Variants in CYTH1 observed in about 807,000 individuals in gnomAD.
The protein encoded by CYTH1 is cytohesin 1.
A neutral mutation model predicts 61.8 loss-of-function variants in CYTH1; 18 were observed. That is an observed-to-expected ratio of 0.29 (90% CI 0.20 to 0.43). The LOEUF (loss-of-function observed/expected upper bound fraction) is 0.43, where lower values mean the gene tolerates loss of function less well. CYTH1 is among the 20% of genes least tolerant of loss of function. The pLI, the probability that CYTH1 is intolerant of heterozygous loss-of-function variation, is 1.00. For missense variants in CYTH1, 336 were observed against 510.5 expected, an observed-to-expected ratio of 0.66 and a Z score of 3.29; for synonymous variants, 174 against 184.3, an observed-to-expected ratio of 0.94 and a Z score of 0.45.
intron 1 of CYTH1, among the ~76,000 whole-genome samples, chr17:78,780,508 C>T (rs1263495044): frequency 6.6e-6 from 1 of 151,942 alleles, no homozygotes; most frequent in Non-Finnish European, 1.5e-5. Flanking sequence ...AGAGCTAGAC[C>T]CTGTCTCAAA....
chr17:78,684,164 C>T (rs907226311), intron 11 of CYTH1, among the ~76,000 whole-genome samples: 24 of 152,192 alleles, frequency 1.6e-4, no homozygotes, highest in African/African-American at 4.6e-4. Context: ...TCCTGGCCCC[C>T]CCTCTTTCCT....
chr17:78,684,166 C>G (rs1014119086), intron 11 of CYTH1, among the ~76,000 whole-genome samples: 8 of 152,210 alleles, frequency 5.3e-5, no homozygotes, highest in Non-Finnish European at 5.9e-5. Flanking sequence ...CTGGCCCCCC[C>G]TCTTTCCTGC....
intron 1 of CYTH1, among the ~76,000 whole-genome samples, chr17:78,764,399 G>A (rs2093440303): frequency 6.6e-6 from 1 of 151,692 alleles, no homozygotes; most frequent in Non-Finnish European, 1.5e-5. Context: ...TTGACTTCAT[G>A]ATCCACCCAC....
chr17:78,742,481 G>C (rs772770598), intron 1 of CYTH1, among the ~76,000 whole-genome samples: 15 of 152,112 alleles, frequency 9.9e-5, no homozygotes, highest in Non-Finnish European at 4.4e-5. Context: ...AAGATCGCTT[G>C]AATCTGCAAG....
At chr17:78,693,246 A>G (rs2092906843) in intron 10 of CYTH1, among the ~76,000 whole-genome samples, 1 of 152,210 alleles carries the variant, frequency 6.6e-6, no homozygotes, top group Non-Finnish European at 1.5e-5. Context: ...AAATACAGCC[A>G]TGGCAAAACA....
rs546405922 is a variant in CYTH1 at position 78,718,146 on chromosome 17, C to A, written c.23-8414G>T. 2.4e-4 allele frequency among the ~76,000 whole-genome samples: 36 copies of A among 151,836 alleles called. 1 individual carries two copies. The South Asian group carries it at 7.5e-3, about 32-fold the overall frequency. The stretch of plus-strand genomic sequence containing the variant: ...CTTTTCATCCCCTCCAGCTGGCCTG[C>A]TGCCAACGGGTGCCCTCCTGCTAAT... On this transcript the variant is annotated intron_variant, in intron 1 of 13. Transcript: ENST00000446868.
chr17:78,771,832 A>C (rs1303043283), intron 1 of CYTH1, among the ~76,000 whole-genome samples: 3 of 152,170 alleles, frequency 2.0e-5, no homozygotes, highest in Admixed American at 2.0e-4. Flanking sequence ...GTCACTAAAG[A>C]AAGCAGCTAA....
chr17:78,696,417 G>T (rs889702540), intron 9 of CYTH1, among the ~76,000 whole-genome samples: 2 of 152,240 alleles, frequency 1.3e-5, no homozygotes, highest in Non-Finnish European at 2.9e-5. Context: ...TAAAGTGTGT[G>T]TAAGAATGCA....
chr17:78,732,485 G>T (rs1471442221), intron 1 of CYTH1, among the ~76,000 whole-genome samples: 1 of 152,156 alleles, frequency 6.6e-6, no homozygotes, highest in Non-Finnish European at 1.5e-5. Context: ...ATTCATCTCT[G>T]GTGTACTCAA....
In CYTH1 at chr17:78,696,025, A is replaced by T. The variant is rs771805627; in HGVS notation, c.812-16T>A. ...TACATACCTCCTGGAGTTTGGGGCA[A>T]GGAAAAGGAGAGCCAAAATCATGGA... is the stretch of plus-strand genomic sequence containing the variant. On this transcript the variant is annotated splice_polypyrimidine_tract_variant and intron_variant, in intron 9 of 13. Transcript: ENST00000446868. 7.3e-7 allele frequency: 1 copy of T among 1,367,930 alleles called. No individual in the cohort carries two copies. The highest frequency in any genetic ancestry group is 1.5e-5 in the African/African-American group (1 of 67,882). The allele number at this position is 1,367,930 out of a possible 1,614,324, so 84.7% of individuals were successfully genotyped here. A position where few individuals can be genotyped will look rare whatever the true frequency, so the allele number is the denominator to read the frequency against.
intron 1 of CYTH1, among the ~76,000 whole-genome samples, chr17:78,761,088 C>T (rs1598917953): frequency 6.6e-6 from 1 of 152,202 alleles, no homozygotes; most frequent in East Asian, 1.9e-4. Flanking sequence ...CCCACCTCGG[C>T]CTCCCAAAGT....
At chr17:78,681,065 A>G in intron 11 of CYTH1, 23 bp from the exon 12 acceptor site, 1 of 1,609,732 alleles carries the variant, frequency 6.2e-7, no homozygotes, top group Non-Finnish European at 8.5e-7. Flanking sequence ...TGAAGAGAGG[A>G]AGTTTAAGAT....
intron 9 of CYTH1, 63 bp downstream of exon 9, chr17:78,698,206 C>A (rs756019129): frequency 2.2e-6 from 3 of 1,371,300 alleles, no homozygotes; most frequent in Non-Finnish European, 3.1e-6. Context: ...CGCACACACG[C>A]ACACACACCG....
rs115844765 is a variant in CYTH1 at position 78,703,645 on chromosome 17, T to C, written c.171-1041A>G. 1.6e-3 allele frequency among the ~76,000 whole-genome samples: 251 copies of C among 152,286 alleles called. 2 individuals carry two copies. Among genetic ancestry groups the C allele is most frequent in the African/African-American group, 5.7e-3 (238 of 41,560 alleles). On this transcript the variant is annotated intron_variant, in intron 3 of 13. Coordinates refer to ENST00000446868, the MANE Select transcript of CYTH1 (RefSeq NM_004762.6). ...TTAATCTATTGTCTGTCTCCACAGA[T>C]TTGCCTATTCTGGACATATCATACA...
In CYTH1 at chr17:78,766,751, AAAAAG is replaced by A. The variant is rs1432039023; in HGVS notation, c.22+15446_22+15450del. Among the ~76,000 whole-genome samples the A allele has an allele frequency of 4.6e-5, 7 of 152,344 alleles. No homozygotes were observed. The East Asian group carries it at 1.4e-3, about 29-fold the overall frequency. On this transcript the variant is annotated intron_variant, in intron 1 of 13. Transcript: ENST00000446868. ...TAAATTCATCTCTGAGAGGTCTGAGAAAAAGAAAAAACAATGAAAAGACATAAATA... is the reference window on the plus strand; with the variant it reads ...TAAATTCATCTCTGAGAGGTCTGAGAAAAAAACAATGAAAAGACATAAATA...
At chr17:78,706,388 C>A (rs945494202) in intron 3 of CYTH1, among the ~76,000 whole-genome samples, 1 of 148,726 alleles carries the variant, frequency 6.7e-6, no homozygotes, top group Non-Finnish European at 1.5e-5. Context: ...TAGATGCTCA[C>A]GCATGGAAGC....
At chr17:78,718,266 C>T (rs2093199827) in intron 1 of CYTH1, among the ~76,000 whole-genome samples, 1 of 150,490 alleles carries the variant, frequency 6.6e-6, no homozygotes, top group Admixed American at 6.6e-5. Flanking sequence ...CACACACACA[C>T]ACGCTCCTTC....
intron 1 of CYTH1, among the ~76,000 whole-genome samples, chr17:78,745,214 T>C (rs936712998): frequency 9.2e-5 from 14 of 152,146 alleles, no homozygotes; most frequent in African/African-American, 3.4e-4. Context: ...GTTCAAGTAA[T>C]TGCTACTTTC....
chr17:78,684,319 G>A (rs1042049573), intron 11 of CYTH1, among the ~76,000 whole-genome samples: 3 of 152,226 alleles, frequency 2.0e-5, no homozygotes, highest in African/African-American at 4.8e-5. Context: ...GAGAACCACT[G>A]ATGGAAACAA....
Sources: allele counts gnomAD v4.1 joint callset (sites outside exome capture counted in the v4.1 genomes callset), GRCh38; gene constraint gnomAD v4.1.1; transcripts MANE v1.5; gene names NCBI Gene and HGNC (gene_info 2026-07-23, HGNC 2026-07-21).